The following SLC28A1 variants were observed in gnomAD, a reference collection of about 807,000 sequenced individuals.
SLC28A1 encodes the protein sodium/nucleoside cotransporter 1.
In SLC28A1, 64 loss-of-function variants were observed where a neutral mutation model predicts 74.8. The observed-to-expected ratio is 0.86, with a 90% CI of 0.70 to 1.05. SLC28A1 has a LOEUF of 1.05. SLC28A1 is among the 50% of genes least tolerant of loss of function. The pLI, the probability that SLC28A1 is intolerant of heterozygous loss-of-function variation, is 0.00. For synonymous variants in SLC28A1, 359 were observed against 335.0 expected, an observed-to-expected ratio of 1.07 and a Z score of -0.78; for missense variants, 828 against 822.8, an observed-to-expected ratio of 1.01 and a Z score of -0.08.
intron 6 of SLC28A1, among the ~76,000 whole-genome samples, chr15:84,902,731 G>GTTTTTT (rs200395938): frequency 3.6e-5 from 5 of 140,010 alleles, no homozygotes; most frequent in African/African-American, 2.6e-5. Context: ...AAGCATTTAA[G>GTTTTTT]TTTTTTTTTT....
At chr15:84,908,287 G>A (rs1182537691) in intron 8 of SLC28A1, among the ~76,000 whole-genome samples, 1 of 146,504 alleles carries the variant, frequency 6.8e-6, no homozygotes, top group Non-Finnish European at 1.5e-5. Context: ...GGGTTCAAGC[G>A]ATTCTCCTGC....
intron 9 of SLC28A1, among the ~76,000 whole-genome samples, chr15:84,914,368 G>A (rs1217023838): frequency 6.6e-6 from 1 of 152,178 alleles, no homozygotes; most frequent in Non-Finnish European, 1.5e-5. Flanking sequence ...AATTTAGGGG[G>A]ACACAGACAT....
the SLC28A1 span, among the ~76,000 whole-genome samples, chr15:84,973,395 G>T: frequency 7.9e-5 from 12 of 152,156 alleles, no homozygotes; most frequent in Admixed American, 7.9e-4. Context: ...TCTATCCGGG[G>T]CTCAACCATT....
At chr15:84,932,138 G>C (rs1364044293) in intron 12 of SLC28A1, among the ~76,000 whole-genome samples, 1 of 152,176 alleles carries the variant, frequency 6.6e-6, no homozygotes, top group African/African-American at 2.4e-5. Flanking sequence ...ACTGCCCCTA[G>C]TTTTGGTTCT....
At chr15:84,952,407 T>C in the SLC28A1 span, among the ~76,000 whole-genome samples, 126 of 152,280 alleles carry the variant, frequency 8.3e-4, no homozygotes, top group African/African-American at 3.0e-3. Context: ...GAAATGCTGC[T>C]ACACACTCTC....
In SLC28A1 at chr15:84,889,673, CTTCTTTCCTTCCTTCCTTCT is replaced by C. The variant is rs1567113608; in HGVS notation, c.186-766_186-747del. Among the ~76,000 whole-genome samples, 419 of 96,934 alleles carry C rather than the reference CTTCTTTCCTTCCTTCCTTCT, an allele frequency of 4.3e-3. 7 individuals are homozygous for C. The highest frequency in any genetic ancestry group is 0.016 in the African/African-American group (386 of 24,892). The allele number at this position is 96,934 out of a possible 152,430, so 63.6% of individuals were successfully genotyped here. On this transcript the variant is annotated intron_variant, in intron 4 of 18. Transcript: ENST00000394573. ...CCTTTTTCTTTTCTTTCCTTCCTTCCTTCTTTCCTTCCTTCCTTCTTTCCTTCCTTCCTTCTTTCCTTCCT... is the reference window on the plus strand; with the variant it reads ...CCTTTTTCTTTTCTTTCCTTCCTTCCTTCCTTCCTTCCTTCTTTCCTTCCT...
intron 6 of SLC28A1, among the ~76,000 whole-genome samples, chr15:84,900,422 AAAG>A (rs1966551168): frequency 8.2e-6 from 1 of 122,514 alleles, no homozygotes; most frequent in African/African-American, 2.7e-5. Flanking sequence ...AAAAAAAAAA[AAAG>A]AAGAAGAAGA....
chr15:84,904,536 C>A (rs200127759), intron 7 of SLC28A1, among the ~76,000 whole-genome samples: 1 of 152,216 alleles, frequency 6.6e-6, no homozygotes, highest in Non-Finnish European at 1.5e-5. Context: ...GGAACCACCT[C>A]CACCCCCAAC....
downstream of SLC28A1, among the ~76,000 whole-genome samples, chr15:84,947,850 A>T (rs2079285976): frequency 1.3e-5 from 2 of 152,238 alleles, no homozygotes; most frequent in African/African-American, 4.8e-5. Context: ...AGACATGAAC[A>T]TTCAGACCAT....
rs1159258854 is a variant in SLC28A1 at position 84,906,528 on chromosome 15, G to GTTTCTTTC, written c.717+906_717+913dup. 1.4e-3 allele frequency among the ~76,000 whole-genome samples: 87 copies of GTTTCTTTC among 62,034 alleles called. 2 individuals are homozygous for GTTTCTTTC. The highest frequency in any genetic ancestry group is 4.2e-3 in the African/African-American group (59 of 14,072). The allele number at this position is 62,034 out of a possible 152,430, so 40.7% of individuals were successfully genotyped here. A position where few individuals can be genotyped will look rare whatever the true frequency, so the allele number is the denominator to read the frequency against. ...TGTTTGTTTGTTTGTTTGTTTGTTT[G>GTTTCTTTC]TTTCTTTCTTTCTTTCTTTCTTTCT... On this transcript the variant is annotated intron_variant, in intron 8 of 18. Coordinates refer to ENST00000394573, the MANE Select transcript of SLC28A1 (RefSeq NM_004213.5).
chr15:84,935,012 G>GA lies in SLC28A1; in HGVS notation c.1215-13dup. ...AGACAGGCCAGTAATGATCATTCTT[G>GA]ATCCCAACAACAGAGATGCTCAGAA... On this transcript the variant is annotated splice_polypyrimidine_tract_variant and intron_variant, in intron 13 of 18. Coordinates refer to ENST00000394573, the MANE Select transcript of SLC28A1 (RefSeq NM_004213.5). 1 of 1,613,066 alleles carries GA rather than the reference G, an allele frequency of 6.2e-7. No individual in the cohort carries two copies. Among genetic ancestry groups the GA allele is most frequent in the Admixed American group, 1.7e-5 (1 of 60,004 alleles).
At chr15:84,973,089 T>C in the SLC28A1 span, among the ~76,000 whole-genome samples, 1 of 152,166 alleles carries the variant, frequency 6.6e-6, no homozygotes, top group Admixed American at 6.5e-5. Context: ...CTTGTCCACC[T>C]CTTCCACCTC....
At chr15:84,928,283 A>C (rs975234098) in intron 12 of SLC28A1, among the ~76,000 whole-genome samples, 2 of 152,118 alleles carry the variant, frequency 1.3e-5, no homozygotes, top group Admixed American at 1.3e-4. Flanking sequence ...TAGCTGGCCC[A>C]GAGGAAAAGC....
the SLC28A1 span, among the ~76,000 whole-genome samples, chr15:84,963,744 A>AGATGG: frequency 2.0e-5 from 3 of 152,204 alleles, no homozygotes; most frequent in Non-Finnish European, 4.4e-5. Context: ...GTTAAGAGGC[A>AGATGG]GATGGTCCAG....
rs144472492 is a variant in SLC28A1 at position 84,923,023 on chromosome 15, C to T, written c.958-962C>T. Among the ~76,000 whole-genome samples, 933 of 152,314 alleles carry T rather than the reference C, an allele frequency of 6.1e-3. 16 individuals are homozygous for T. Among genetic ancestry groups the T allele is most frequent in the African/African-American group, 0.021 (891 of 41,570 alleles). On this transcript the variant is annotated intron_variant, in intron 11 of 18. Transcript: ENST00000394573. ...ACAATCTTGGGCTCACTGCAACCTC[C>T]GCCTCCCGGGTTCAAGCGATTCTCG...
chr15:84,898,747 G>C (rs894448074), intron 6 of SLC28A1, among the ~76,000 whole-genome samples: 2 of 152,152 alleles, frequency 1.3e-5, no homozygotes, highest in African/African-American at 4.8e-5. Context: ...TGATCCTTGA[G>C]GATTAGGAAA....
chr15:84,952,899 A>G, the SLC28A1 span, among the ~76,000 whole-genome samples: 1 of 152,192 alleles, frequency 6.6e-6, no homozygotes, highest in Non-Finnish European at 1.5e-5. Context: ...TATAAAGAAA[A>G]GTTATTTAAA....
At chr15:84,946,092 A>G (rs1215432254), downstream of SLC28A1, among the ~76,000 whole-genome samples, 372 of 12,470 alleles carry the variant, frequency 0.03, 15 homozygotes, top group African/African-American at 0.086. Context: ...GTTCATATAT[A>G]TATATATATA....
chr15:84,952,226 A>T, the SLC28A1 span, among the ~76,000 whole-genome samples: 6 of 152,222 alleles, frequency 3.9e-5, no homozygotes, highest in Non-Finnish European at 8.8e-5. Context: ...CAAGGAAGAG[A>T]TGATCCCACA....
Sources: gnomAD v4.1 joint callset for allele counts (sites outside exome capture counted in the v4.1 genomes callset) on GRCh38, gnomAD v4.1.1 for gene constraint, MANE v1.5 for transcripts, NCBI Gene and HGNC (gene_info 2026-07-23, HGNC 2026-07-21) for gene names.